Variants in WWC2 observed in about 807,000 individuals in gnomAD.
WWC2 encodes the protein WW and C2 domain containing 2.
A neutral mutation model predicts 138.5 loss-of-function variants in WWC2; 101 were observed. That is an observed-to-expected ratio of 0.73 (90% confidence interval 0.62 to 0.86). WWC2 has a LOEUF of 0.86. Ranked by LOEUF, WWC2 falls within the 40% of genes least tolerant of loss-of-function variation. The pLI is 0.00. For missense variants in WWC2, 1,420 were observed against 1,419.4 expected (o/e 1.00, Z -0.01); for synonymous variants, 558 against 538.4 (o/e 1.04, Z -0.50).
intron 3 of WWC2, 57 bp from the exon 4 acceptor site, chr4:183,208,892 C>A: frequency 8.2e-7 from 1 of 1,214,288 alleles, no homozygotes; most frequent in Non-Finnish European, 1.2e-6. Context: ...AAATTCTAAG[C>A]TGAGAACTAG....
intron 3 of WWC2, among the ~76,000 whole-genome samples, chr4:183,208,532 C>A (rs2111240641): frequency 6.6e-6 from 1 of 152,222 alleles, no homozygotes. Flanking sequence ...TTTCTGTTGA[C>A]CATCTGAGTT....
Position 183,277,087 on chromosome 4 carries a change from A to G in WWC2, c.2563-3689A>G, listed in dbSNP as rs552061197. Among the ~76,000 whole-genome samples, 606 of 149,882 alleles carry G rather than the reference A, an allele frequency of 4.0e-3. 1 individual carries two copies. The highest frequency in any genetic ancestry group is 0.014 in the African/African-American group (577 of 40,694). ...GCTGGTGCGCTGCACCCACTAACTC[A>G]TCATCTAGCATTAGGTATATCTCCC... On this transcript the variant is annotated intron_variant, in intron 16 of 22. Coordinates refer to ENST00000403733, the MANE Select transcript of WWC2 (RefSeq NM_024949.6).
At chr4:183,109,138 T>G (rs1443125804) in intron 1 of WWC2, among the ~76,000 whole-genome samples, 2 of 152,218 alleles carry the variant, frequency 1.3e-5, no homozygotes, top group African/African-American at 4.8e-5. Flanking sequence ...AAAATTCTGC[T>G]TTGTAGGCCT....
intron 16 of WWC2, among the ~76,000 whole-genome samples, chr4:183,273,778 C>T (rs1737770164): frequency 6.6e-6 from 1 of 152,126 alleles, no homozygotes; most frequent in South Asian, 2.1e-4. Flanking sequence ...TCCAGTTTAT[C>T]CATTTTTCAA....
intron 1 of WWC2, among the ~76,000 whole-genome samples, chr4:183,151,905 G>A (rs1343356610): frequency 6.6e-6 from 1 of 152,156 alleles, no homozygotes; most frequent in African/African-American, 2.4e-5. Context: ...CTATATATCT[G>A]TCTTGGTACC....
chr4:183,261,207 A>C lies in WWC2; in HGVS notation c.1584A>C (p.Ala528=). 1 of 1,613,134 alleles carries C rather than the reference A, an allele frequency of 6.2e-7. No individual in the cohort carries two copies. The highest frequency in any genetic ancestry group is 8.5e-7 in the Non-Finnish European group (1 of 1,179,592). Residue 528 remains alanine, a synonymous_variant, in exon 11 of 23, where the codon GCA becomes GCC. Transcript: ENST00000403733. ...GQSGLCGVAA[A]ATGHTPPLAE... is the part of the protein sequence containing the mutation. ...GTGGACTCTGTGGAGTGGCAGCTGC[A>C]GCAACAGGCCACACTCCTCCACTGG...
At chr4:183,183,343 C>T (rs1734694998) in intron 1 of WWC2, among the ~76,000 whole-genome samples, 1 of 151,908 alleles carries the variant, frequency 6.6e-6, no homozygotes, top group South Asian at 2.1e-4. Context: ...TCTCCCTTCC[C>T]CCACCTGGAA....
chr4:183,162,893 C>T (rs1258490258), intron 1 of WWC2, among the ~76,000 whole-genome samples: 1 of 152,142 alleles, frequency 6.6e-6, no homozygotes, highest in African/African-American at 2.4e-5. Flanking sequence ...CTAATGTATT[C>T]ATCTTTCTTT....
chr4:183,274,675 C>T (rs1252574897), intron 16 of WWC2, among the ~76,000 whole-genome samples: 1 of 152,094 alleles, frequency 6.6e-6, no homozygotes, highest in Non-Finnish European at 1.5e-5. Context: ...CCCCATACAA[C>T]AACATGAAAA....
At chr4:183,244,691 A>G (rs971248884) in intron 5 of WWC2, among the ~76,000 whole-genome samples, 21 of 152,138 alleles carry the variant, frequency 1.4e-4, no homozygotes, top group African/African-American at 5.1e-4. Context: ...AGGCCTCCCA[A>G]GCTGCAGGCC....
At chr4:183,242,763 G>T (rs1048336535) in intron 5 of WWC2, among the ~76,000 whole-genome samples, 2 of 152,068 alleles carry the variant, frequency 1.3e-5, no homozygotes, top group East Asian at 3.9e-4. Context: ...CTCAAGTCAA[G>T]AACTTCCAAA....
chr4:183,131,772 T>C (rs1732933430), intron 1 of WWC2, among the ~76,000 whole-genome samples: 2 of 152,244 alleles, frequency 1.3e-5, no homozygotes, highest in Admixed American at 1.3e-4. Flanking sequence ...TATGTTATAC[T>C]ACATGAACTT....
At chr4:183,286,239 G>A (rs1738247108) in intron 20 of WWC2, among the ~76,000 whole-genome samples, 180 bp downstream of exon 20, 1 of 152,138 alleles carries the variant, frequency 6.6e-6, no homozygotes, top group South Asian at 2.1e-4. Context: ...ATGGGGGGGT[G>A]TGAGGGCATT....
intron 18 of WWC2, 52 bp from the exon 19 acceptor site, chr4:183,284,174 A>G (rs1738167861): frequency 1.3e-6 from 2 of 1,594,768 alleles, no homozygotes; most frequent in Non-Finnish European, 1.7e-6. Flanking sequence ...AGAAAGGAGC[A>G]TAATGTTTAC....
At position 183,317,672 on chromosome 4, in the gene WWC2, G is replaced by C. The variant is rs558666488; in HGVS notation, c.*1943G>C. On this transcript the variant is annotated 3_prime_UTR_variant, in exon 23 of 23. Transcript: ENST00000403733. The stretch of plus-strand genomic sequence containing the variant: ...TTTATTTATTTACAGTCTTATTTAT[G>C]TTCTGTTTAATATATAGTTTGATTC... The C allele has an allele frequency of 2.6e-5, 4 of 152,618 alleles. No homozygotes were observed. The highest frequency in any genetic ancestry group is 4.2e-4 in the South Asian group (2 of 4,816). 9.5% of individuals were successfully genotyped at this position (152,618 alleles called of 1,614,324 possible).
intron 21 of WWC2, among the ~76,000 whole-genome samples, chr4:183,300,242 C>T (rs1738785584): frequency 1.3e-5 from 2 of 152,050 alleles, no homozygotes; most frequent in Non-Finnish European, 2.9e-5. Flanking sequence ...CTCGTAAGCC[C>T]GGCATCTTAT....
rs1024296525 is a variant in WWC2 at position 183,317,913 on chromosome 4, A to T, written c.*2184A>T. ...AATTTCCTCATTTCTAACATGAGAG[A>T]TGAACTTATTTTAATATAATCCTTT... On this transcript the variant is annotated 3_prime_UTR_variant, in exon 23 of 23. Transcript: ENST00000403733. The T allele has an allele frequency of 4.6e-5, 7 of 152,302 alleles. No homozygotes were observed. Among genetic ancestry groups the T allele is most frequent in the South Asian group, 4.1e-4 (2 of 4,828 alleles). 9.4% of individuals were successfully genotyped at this position (152,302 alleles called of 1,614,324 possible). A position where few individuals can be genotyped will look rare whatever the true frequency, so the allele number is the denominator to read the frequency against.
chr4:183,226,074 A>ACTTTT (rs3040784), intron 4 of WWC2, among the ~76,000 whole-genome samples: 444 of 148,560 alleles, frequency 3.0e-3, no homozygotes, highest in Middle Eastern at 7.1e-3. Context: ...CGTCTGTGAA[A>ACTTTT]CTTTTCTTTT....
chr4:183,287,809 A>G (rs1354616604), intron 20 of WWC2, among the ~76,000 whole-genome samples: 3 of 152,176 alleles, frequency 2.0e-5, no homozygotes, highest in African/African-American at 4.8e-5. Flanking sequence ...GCTGGCTCAC[A>G]AGAGCCAATT....
Sources: allele counts gnomAD v4.1 joint callset (sites outside exome capture counted in the v4.1 genomes callset), GRCh38; gene constraint gnomAD v4.1.1; transcripts MANE v1.5; gene names NCBI Gene and HGNC (gene_info 2026-07-23, HGNC 2026-07-21).